CEP112: variants seen among roughly 807,000 people sequenced by gnomAD.
CEP112 encodes the protein centrosomal protein 112.
In CEP112, 127 loss-of-function variants were observed where a neutral mutation model predicts 153.0. The ratio of observed to expected loss-of-function variants is 0.83; its 90% confidence interval spans 0.72 to 0.96. The LOEUF is 0.96. CEP112 is among the 40% of genes least tolerant of loss of function. The pLI is 0.00. For missense variants in CEP112, 1,089 were observed against 1,101.2 expected (o/e 0.99, Z 0.16); for synonymous variants, 358 against 374.4 (o/e 0.96, Z 0.51).
chr17:65,776,072 C>T (rs867308734), intron 21 of CEP112, among the ~76,000 whole-genome samples: 26 of 152,304 alleles, frequency 1.7e-4, no homozygotes, highest in South Asian at 8.3e-4. Flanking sequence ...GCCAACCAAT[C>T]GGCAACAGTC....
intron 14 of CEP112, 78 bp from the exon 15 acceptor site, chr17:66,028,483 G>A: frequency 1.4e-6 from 1 of 736,676 alleles, no homozygotes. Flanking sequence ...GAAAAAATAT[G>A]CCTTTTGTAC....
chr17:66,188,021 C>G (rs1363064017), intron 1 of CEP112, among the ~76,000 whole-genome samples: 1 of 152,088 alleles, frequency 6.6e-6, no homozygotes, highest in Non-Finnish European at 1.5e-5. Context: ...CCTATTCTCA[C>G]TGCCACGATC....
At chr17:65,974,322 C>T (rs1204313104) in intron 17 of CEP112, among the ~76,000 whole-genome samples, 1 of 152,078 alleles carries the variant, frequency 6.6e-6, no homozygotes, top group Non-Finnish European at 1.5e-5. Context: ...AGCAATCTGC[C>T]CGCCTTGGCC....
intron 8 of CEP112, among the ~76,000 whole-genome samples, chr17:66,074,178 C>G (rs1598295888): frequency 6.6e-6 from 1 of 151,682 alleles, no homozygotes; most frequent in Non-Finnish European, 1.5e-5. Flanking sequence ...ATTCCAGAAT[C>G]GAAAAGTGCA....
intron 23 of CEP112, among the ~76,000 whole-genome samples, chr17:65,699,552 C>T (rs1051249320): frequency 2.0e-5 from 3 of 152,172 alleles, no homozygotes; most frequent in African/African-American, 7.2e-5. Context: ...TGCTAAGTCC[C>T]TTCTCAGTGT....
intron 24 of CEP112, among the ~76,000 whole-genome samples, chr17:65,649,331 C>T (rs553597155): frequency 2.9e-4 from 44 of 152,262 alleles, no homozygotes; most frequent in African/African-American, 1.1e-3. Flanking sequence ...TATTCCATTG[C>T]CACTGGTTTA....
chr17:65,993,625 T>C (rs910384478), intron 17 of CEP112, among the ~76,000 whole-genome samples: 7 of 152,174 alleles, frequency 4.6e-5, no homozygotes, highest in African/African-American at 1.4e-4. Flanking sequence ...GATAAATATA[T>C]GGTGGTATAT....
intron 21 of CEP112, among the ~76,000 whole-genome samples, chr17:65,828,670 A>G (rs1223049243): frequency 7.1e-6 from 1 of 141,448 alleles, no homozygotes; most frequent in Non-Finnish European, 1.5e-5. Context: ...GTATATAAAG[A>G]ATCACAAATA....
intron 6 of CEP112, among the ~76,000 whole-genome samples, chr17:66,111,567 T>C (rs2069046974): frequency 6.6e-6 from 1 of 152,180 alleles, no homozygotes; most frequent in African/African-American, 2.4e-5. Context: ...TGAATGGAGC[T>C]AGAGGCTATT....
Position 66,183,221 on chromosome 17 carries a change from A to G in CEP112, c.79T>C (p.Phe27Leu). The G allele has an allele frequency of 6.2e-7, 1 of 1,608,500 alleles. No homozygotes were observed. The highest frequency in any genetic ancestry group is 1.7e-5 in the Admixed American group (1 of 59,472). Residue 27 changes from phenylalanine (F) to leucine (L), a missense_variant, in exon 2 of 27, where the codon TTT (phenylalanine) becomes CTT (leucine). Transcript: ENST00000535342. ...GTCCTATGAGGTAATTTTAGAACAA[A>G]GGGCTTCATATCAACCACAAAGTGA... ...FDHFVVDMKP[F>L]VLKLPHRTER...
At chr17:65,938,410 TCAA>T (rs1473866985) in intron 18 of CEP112, among the ~76,000 whole-genome samples, 1 of 69,576 alleles carries the variant, frequency 1.4e-5, no homozygotes, top group Non-Finnish European at 2.8e-5. Context: ...CCAAGAATGA[TCAA>T]TAAAAAAAAA....
At chr17:66,049,086 C>T (rs1282508712) in intron 12 of CEP112, among the ~76,000 whole-genome samples, 2 of 152,162 alleles carry the variant, frequency 1.3e-5, no homozygotes, top group Non-Finnish European at 2.9e-5. Flanking sequence ...GCTGATCGCA[C>T]ATGGGAATTT....
intron 4 of CEP112, among the ~76,000 whole-genome samples, chr17:66,140,309 C>T (rs1046087046): frequency 7.2e-5 from 11 of 152,038 alleles, no homozygotes; most frequent in African/African-American, 2.4e-4. Flanking sequence ...AAAGCCCATA[C>T]CTAGCATAAT....
At chr17:66,157,345 A>G (rs1296709184) in intron 4 of CEP112, among the ~76,000 whole-genome samples, 2 of 152,222 alleles carry the variant, frequency 1.3e-5, no homozygotes, top group East Asian at 3.8e-4. Flanking sequence ...TTTTGTCACC[A>G]CCAGGCCTGC....
At chr17:65,931,127 T>C (rs954934697) in intron 18 of CEP112, among the ~76,000 whole-genome samples, 3 of 152,200 alleles carry the variant, frequency 2.0e-5, no homozygotes, top group Non-Finnish European at 4.4e-5. Flanking sequence ...ATAGCTGCCA[T>C]GGTATGCGAA....
Position 66,067,016 on chromosome 17 carries a change from AACACACACACACAC to A in CEP112, c.856-153_856-140del, listed in dbSNP as rs60964018. On this transcript the variant is annotated intron_variant, in intron 9 of 26. Transcript: ENST00000535342. ...AATATGACTACACTGTGAAATTATA[AACACACACACACAC>A]ACACACACACACACACACACACACA... 1,244 of 264,152 alleles carry A rather than the reference AACACACACACACAC, an allele frequency of 4.7e-3. 4 individuals are homozygous for A. Among genetic ancestry groups the A allele is most frequent in the Middle Eastern group, 0.013 (11 of 866 alleles). The allele number at this position is 264,152 out of a possible 1,614,324, so 16.4% of individuals were successfully genotyped here.
At chr17:65,684,529 C>T (rs1053472887) in intron 24 of CEP112, among the ~76,000 whole-genome samples, 4 of 152,118 alleles carry the variant, frequency 2.6e-5, no homozygotes, top group South Asian at 2.1e-4. Flanking sequence ...AACAAGAAAA[C>T]TTTTAGACTA....
At chr17:65,979,338 A>G (rs1453591792) in intron 17 of CEP112, among the ~76,000 whole-genome samples, 1 of 152,012 alleles carries the variant, frequency 6.6e-6, no homozygotes, top group Non-Finnish European at 1.5e-5. Context: ...AACTCCTGCA[A>G]TCCTCCCACC....
chr17:65,829,278 T>G (rs1184273121), intron 21 of CEP112, among the ~76,000 whole-genome samples: 9 of 152,226 alleles, frequency 5.9e-5, no homozygotes, highest in Non-Finnish European at 1.3e-4. Flanking sequence ...ACTCAACCAC[T>G]TTCAATTTTT....
Sources: gnomAD v4.1 joint callset for allele counts (sites outside exome capture counted in the v4.1 genomes callset) on GRCh38, gnomAD v4.1.1 for gene constraint, MANE v1.5 for transcripts, NCBI Gene and HGNC (gene_info 2026-07-23, HGNC 2026-07-21) for gene names.